DAPK1: variants seen among roughly 807,000 people sequenced by gnomAD.
The protein encoded by DAPK1 is death-associated protein kinase 1.
Under a neutral mutation model 144.9 loss-of-function variants are expected in DAPK1, and 56 were observed. The ratio of observed to expected loss-of-function variants is 0.39; its 90% CI spans 0.31 to 0.48. The LOEUF (loss-of-function observed/expected upper bound fraction) is 0.48. Ranked by LOEUF, DAPK1 falls within the 20% of genes least tolerant of loss-of-function variation. DAPK1 has a pLI of 0.95. For synonymous variants in DAPK1, 690 were observed against 749.0 expected, an observed-to-expected ratio of 0.92 and a Z score of 1.29; for missense variants, 1,454 against 1,875.4, an observed-to-expected ratio of 0.78 and a Z score of 4.15.
chr9:87,622,390 A>T (rs1172070466), intron 3 of DAPK1, among the ~76,000 whole-genome samples: 1 of 152,014 alleles, frequency 6.6e-6, no homozygotes, highest in Admixed American at 6.6e-5. Flanking sequence ...TACCTCACAA[A>T]ACAGCACTAA....
intron 2 of DAPK1, among the ~76,000 whole-genome samples, chr9:87,511,732 A>G (rs1824854442): frequency 7.3e-6 from 1 of 136,428 alleles, no homozygotes; most frequent in Non-Finnish European, 1.6e-5. Context: ...TTTCTCCCAG[A>G]TGGAGTCTCA....
In DAPK1 at chr9:87,498,081, G is replaced by A. The variant is rs1019459927; in HGVS notation, c.-135G>A. ...GTCGGCCTCCGACAGCGCTCCGGAG[G>A]GACCGGGGGAGCTCCCAGGCGCCCG... On this transcript the variant is annotated 5_prime_UTR_variant, in exon 1 of 26. Coordinates refer to ENST00000408954, the MANE Select transcript of DAPK1 (RefSeq NM_004938.4). 5 of 397,696 alleles carry A rather than the reference G, an allele frequency of 1.3e-5. No individual in the cohort carries two copies. The highest frequency in any genetic ancestry group is 2.2e-5 in the Non-Finnish European group (5 of 225,662). 24.6% of individuals were successfully genotyped at this position (397,696 alleles called of 1,614,324 possible).
At chr9:87,676,248 C>A (rs1824373616) in intron 19 of DAPK1, among the ~76,000 whole-genome samples, 1 of 152,246 alleles carries the variant, frequency 6.6e-6, no homozygotes. Flanking sequence ...TTGTGTTAAA[C>A]ACACACTGTG....
At chr9:87,526,620 A>G (rs1481418395) in intron 2 of DAPK1, among the ~76,000 whole-genome samples, 2 of 152,188 alleles carry the variant, frequency 1.3e-5, no homozygotes, top group Non-Finnish European at 2.9e-5. Flanking sequence ...GAAGCTTTCT[A>G]GAGAATCATT....
At chr9:87,691,465 A>AT (rs1207779542) in intron 21 of DAPK1, among the ~76,000 whole-genome samples, 1 of 151,452 alleles carries the variant, frequency 6.6e-6, no homozygotes, top group Non-Finnish European at 1.5e-5. Flanking sequence ...AGTTCTTTGT[A>AT]TTTTTTTAGT....
chr9:87,542,398 A>G (rs1826087829), intron 2 of DAPK1, among the ~76,000 whole-genome samples: 1 of 152,204 alleles, frequency 6.6e-6, no homozygotes, highest in Admixed American at 6.5e-5. Flanking sequence ...TGACAGTGAC[A>G]CAGAGTAAGG....
At chr9:87,666,182 T>G (rs942486487) in intron 18 of DAPK1, among the ~76,000 whole-genome samples, 1 of 152,124 alleles carries the variant, frequency 6.6e-6, no homozygotes, top group African/African-American at 2.4e-5. Context: ...TTCTTTCCAT[T>G]TGGTTTTCTC....
chr9:87,562,720 T>C (rs1826974704), intron 2 of DAPK1, among the ~76,000 whole-genome samples: 1 of 152,232 alleles, frequency 6.6e-6, no homozygotes, highest in Non-Finnish European at 1.5e-5. Context: ...TTTTGCTTAA[T>C]TTAAAGCACA....
intron 25 of DAPK1, among the ~76,000 whole-genome samples, chr9:87,704,304 C>T (rs762412364): frequency 6.6e-6 from 1 of 152,342 alleles, no homozygotes; most frequent in Middle Eastern, 3.4e-3. Flanking sequence ...ACAGGAGTCC[C>T]TTGCTTTCTA....
At chr9:87,633,007 A>C (rs890061997) in intron 3 of DAPK1, 1 of 976,108 alleles carries the variant, frequency 1.0e-6, no homozygotes, top group Non-Finnish European at 1.2e-6. Context: ...TACATTAGGG[A>C]TGAGAAGGAT....
chr9:87,657,964 C>A, intron 17 of DAPK1, 65 bp from the exon 18 acceptor site: 1 of 731,198 alleles, frequency 1.4e-6, no homozygotes. Flanking sequence ...CCTTGTGTCT[C>A]CGGAATGTCA....
At chr9:87,580,339 C>A (rs1295119690) in intron 2 of DAPK1, among the ~76,000 whole-genome samples, 1 of 152,108 alleles carries the variant, frequency 6.6e-6, no homozygotes, top group African/African-American at 2.4e-5. Flanking sequence ...AACATATCCT[C>A]CTCCTAATCC....
chr9:87,509,061 C>G (rs967620977), intron 2 of DAPK1, among the ~76,000 whole-genome samples: 1 of 152,128 alleles, frequency 6.6e-6, no homozygotes, highest in Non-Finnish European at 1.5e-5. Context: ...AAATGTGTGT[C>G]TCTGGGAAAG....
intron 2 of DAPK1, among the ~76,000 whole-genome samples, chr9:87,586,538 A>T (rs902244503): frequency 6.6e-6 from 1 of 152,218 alleles, no homozygotes; most frequent in Non-Finnish European, 1.5e-5. Flanking sequence ...ATAAAACACT[A>T]TTGGACACGT....
intron 19 of DAPK1, among the ~76,000 whole-genome samples, chr9:87,670,513 A>T (rs1831216208): frequency 6.6e-6 from 1 of 152,180 alleles, no homozygotes; most frequent in Non-Finnish European, 1.5e-5. Flanking sequence ...CAGGCCTCAT[A>T]GCTTTACCGA....
chr9:87,547,024 G>C (rs1304486393), intron 2 of DAPK1, among the ~76,000 whole-genome samples: 1 of 152,048 alleles, frequency 6.6e-6, no homozygotes, highest in Admixed American at 6.6e-5. Context: ...GGGTGTGTTG[G>C]CATGCGCCTA....
intron 2 of DAPK1, among the ~76,000 whole-genome samples, chr9:87,573,056 C>T (rs1379948277): frequency 2.6e-5 from 4 of 152,192 alleles, no homozygotes; most frequent in African/African-American, 9.7e-5. Context: ...GGGTTCTAAG[C>T]GTATCTGTGA....
chr9:87,638,862 T>A (rs1274132838), intron 4 of DAPK1, among the ~76,000 whole-genome samples: 1 of 152,210 alleles, frequency 6.6e-6, no homozygotes, highest in Non-Finnish European at 1.5e-5. Flanking sequence ...AACAGAGGGC[T>A]TGTTGCAAAT....
At chr9:87,505,991 C>T (rs775165362) in intron 2 of DAPK1, among the ~76,000 whole-genome samples, 8 of 152,288 alleles carry the variant, frequency 5.3e-5, no homozygotes, top group Admixed American at 1.3e-4. Context: ...TGTGCCTGGC[C>T]GGGACTTTGA....
Sources: allele counts gnomAD v4.1 joint callset (sites outside exome capture counted in the v4.1 genomes callset), GRCh38; gene constraint gnomAD v4.1.1; transcripts MANE v1.5; gene names NCBI Gene and HGNC (gene_info 2026-07-23, HGNC 2026-07-21).